Variants in WWOX observed in about 807,000 individuals in gnomAD.
WWOX encodes the protein WW domain containing oxidoreductase.
WWOX carries 69 observed loss-of-function variants against 46.2 expected under a neutral mutation model. That is an observed-to-expected ratio of 1.49 (90% CI 1.23 to 1.82). WWOX has a LOEUF of 1.82. Ranked by LOEUF, WWOX falls within the 40% of genes most tolerant of loss-of-function variation. The pLI is 0.00. For synonymous variants in WWOX, 359 were observed against 202.6 expected (o/e 1.77, Z -6.56); for missense variants, 919 against 542.6 (o/e 1.69, Z -6.89).
chr16:78,874,692 T>TC (rs1268343184), intron 8 of WWOX, among the ~76,000 whole-genome samples: 1 of 139,350 alleles, frequency 7.2e-6, no homozygotes, highest in East Asian at 2.0e-4. Context: ...TTCTTTTTTT[T>TC]TTTTTTTTTT....
intron 8 of WWOX, among the ~76,000 whole-genome samples, chr16:78,671,308 C>G (rs926183022): frequency 5.3e-5 from 8 of 152,074 alleles, no homozygotes; most frequent in South Asian, 2.1e-4. Context: ...GCCTGTAGTC[C>G]CAGCTACTTG....
intron 8 of WWOX, among the ~76,000 whole-genome samples, chr16:78,834,864 CATT>C (rs1323151955): frequency 1.3e-5 from 2 of 152,116 alleles, no homozygotes; most frequent in African/African-American, 4.8e-5. Flanking sequence ...TTCGTAATGA[CATT>C]ATTATGATAA....
At chr16:78,821,367 T>C (rs985254958) in intron 8 of WWOX, among the ~76,000 whole-genome samples, 5 of 152,112 alleles carry the variant, frequency 3.3e-5, no homozygotes, top group African/African-American at 9.7e-5. Flanking sequence ...ACAACAGGTG[T>C]ATGTGGCCTC....
intron 8 of WWOX, among the ~76,000 whole-genome samples, chr16:78,435,712 T>C (rs2083320558): frequency 6.6e-6 from 1 of 152,156 alleles, no homozygotes; most frequent in Admixed American, 6.5e-5. Context: ...CCTGGGACAG[T>C]GGACCTCACA....
chr16:79,056,600 T>A (rs2048266823), intron 8 of WWOX, among the ~76,000 whole-genome samples: 1 of 152,212 alleles, frequency 6.6e-6, no homozygotes, highest in South Asian at 2.1e-4. Context: ...TTTAGCAGCA[T>A]CCCTGGCCTC....
intron 8 of WWOX, among the ~76,000 whole-genome samples, chr16:78,962,211 T>C (rs1455656687): frequency 2.6e-5 from 4 of 151,170 alleles, no homozygotes. Flanking sequence ...TGACTTTCTG[T>C]GTGATGTTAT....
At chr16:78,368,553 C>T (rs776511665) in intron 5 of WWOX, among the ~76,000 whole-genome samples, 25 of 152,144 alleles carry the variant, frequency 1.6e-4, no homozygotes, top group African/African-American at 5.1e-4. Flanking sequence ...TATCCTCAAA[C>T]CAAGGAGAAA....
rs372948138 is a variant in WWOX at position 78,769,411 on chromosome 16, A to T, written c.1056+336659A>T. Among the ~76,000 whole-genome samples, 22 of 152,160 alleles carry T rather than the reference A, an allele frequency of 1.4e-4. No individual in the cohort carries two copies. The East Asian group carries it at 3.7e-3, about 25-fold the overall frequency. On this transcript the variant is annotated intron_variant, in intron 8 of 8. Coordinates refer to ENST00000566780, the MANE Select transcript of WWOX (RefSeq NM_016373.4). ...ATCCAGTGCTTGTAACCTGTCAAGC[A>T]CATGTTGTAGCCATTGGGGACATCG...
At chr16:79,044,636 A>G (rs936820051) in intron 8 of WWOX, among the ~76,000 whole-genome samples, 2 of 152,182 alleles carry the variant, frequency 1.3e-5, no homozygotes, top group Non-Finnish European at 2.9e-5. Flanking sequence ...ACTATGAGCC[A>G]ATTAAACCTC....
chr16:78,202,502 G>A (rs575390624), intron 5 of WWOX, among the ~76,000 whole-genome samples: 16 of 152,280 alleles, frequency 1.1e-4, no homozygotes, highest in African/African-American at 3.9e-4. Flanking sequence ...TGTAGACCTC[G>A]GTTGTAACCA....
At chr16:78,918,045 T>C (rs900037734) in intron 8 of WWOX, among the ~76,000 whole-genome samples, 3 of 151,942 alleles carry the variant, frequency 2.0e-5, no homozygotes, top group Non-Finnish European at 4.4e-5. Flanking sequence ...CTACAAAATA[T>C]TTTAAAATTA....
At chr16:78,543,449 G>C (rs769160485) in intron 8 of WWOX, among the ~76,000 whole-genome samples, 2 of 152,208 alleles carry the variant, frequency 1.3e-5, no homozygotes, top group African/African-American at 2.4e-5. Flanking sequence ...GGTTGATAAA[G>C]TCAAACTTGT....
At chr16:78,767,815 C>A (rs990774562) in intron 8 of WWOX, among the ~76,000 whole-genome samples, 1 of 152,102 alleles carries the variant, frequency 6.6e-6, no homozygotes, top group Non-Finnish European at 1.5e-5. Flanking sequence ...TGATGTTAAG[C>A]GTACTTTCAC....
At chr16:78,892,648 A>G (rs2044616181) in intron 8 of WWOX, among the ~76,000 whole-genome samples, 2 of 152,240 alleles carry the variant, frequency 1.3e-5, no homozygotes, top group African/African-American at 4.8e-5. Context: ...TCACCTGCCA[A>G]AAGCAAAACA....
intron 8 of WWOX, among the ~76,000 whole-genome samples, chr16:78,796,799 C>G (rs958424092): frequency 6.6e-6 from 1 of 151,208 alleles, no homozygotes; most frequent in Non-Finnish European, 1.5e-5. Flanking sequence ...CAGTAAGAAC[C>G]TTTGATCCCA....
At chr16:78,695,120 C>T (rs755234952) in intron 8 of WWOX, among the ~76,000 whole-genome samples, 1 of 152,154 alleles carries the variant, frequency 6.6e-6, no homozygotes, top group South Asian at 2.1e-4. Flanking sequence ...CGTGGGATTA[C>T]AGGCACAAAG....
chr16:78,261,794 A>C (rs1043140024), intron 5 of WWOX, among the ~76,000 whole-genome samples: 2,156 of 66,076 alleles, frequency 0.033, 37 homozygotes, highest in African/African-American at 0.076. Context: ...CTATCTATAT[A>C]TATATATATA....
chr16:78,187,428 C>G (rs534788750), intron 5 of WWOX, among the ~76,000 whole-genome samples: 1 of 152,152 alleles, frequency 6.6e-6, no homozygotes, highest in Non-Finnish European at 1.5e-5. Flanking sequence ...ATGGTGAAAA[C>G]CAGTCTCTAC....
chr16:78,817,363 C>T (rs1190098257), intron 8 of WWOX, among the ~76,000 whole-genome samples: 2 of 152,000 alleles, frequency 1.3e-5, no homozygotes, highest in Non-Finnish European at 2.9e-5. Context: ...GGCATTTCTC[C>T]TATTCCTAGT....
Sources: gnomAD v4.1 joint callset for allele counts (sites outside exome capture counted in the v4.1 genomes callset) on GRCh38, gnomAD v4.1.1 for gene constraint, MANE v1.5 for transcripts, NCBI Gene and HGNC (gene_info 2026-07-23, HGNC 2026-07-21) for gene names.